Variants in LAPTM5 observed in about 807,000 individuals in gnomAD.
LAPTM5 encodes lysosomal-associated transmembrane protein 5.
In LAPTM5, 11 loss-of-function variants were observed where a neutral mutation model predicts 30.1. That is an observed-to-expected ratio of 0.37 (90% CI 0.23 to 0.60). The LOEUF is 0.60. LAPTM5 is among the 20% of genes least tolerant of loss of function. The pLI is 0.71. For missense variants in LAPTM5, 324 were observed against 332.5 expected (o/e 0.97, Z 0.20); for synonymous variants, 151 against 137.9 (o/e 1.10, Z -0.67).
At chr1:30,738,788 G>C in intron 5 of LAPTM5, 152 bp downstream of exon 5, 1 of 837,098 alleles carries the variant, frequency 1.2e-6, no homozygotes, top group South Asian at 1.8e-5. Flanking sequence ...TTCCTGAGAG[G>C]GCTCCCTCAA....
chr1:30,735,221 C>A lies in LAPTM5; in HGVS notation c.651G>T (p.Lys217Asn). ...KCVWRCYRLI[K>N]CMNSVEEKRN... Reference sequence around the variant, plus strand: ...TCTTCTCCTCCACCGAGTTCATGCACTTGATCAATCTGTAGCACCGCCACA... The same window carrying A: ...TCTTCTCCTCCACCGAGTTCATGCAATTGATCAATCTGTAGCACCGCCACA... The change falls in exon 7 of 8, where the codon AAG (lysine) becomes AAT (asparagine). Residue 217 changes from lysine (K) to asparagine (N), a missense_variant. Physicochemically the swap from Lys to Asn is moderately conservative, Grantham distance 94 (BLOSUM62 0). Coordinates refer to ENST00000294507, the MANE Select transcript of LAPTM5 (RefSeq NM_006762.3). 6.2e-7 allele frequency: 1 copy of A among 1,614,104 alleles called. No individual in the cohort carries two copies. The highest frequency in any genetic ancestry group is 8.5e-7 in the Non-Finnish European group (1 of 1,180,012).
rs577291113 is a variant in LAPTM5, at chr1:30,753,141, T to C, written c.87+4518A>G. 1.6e-4 allele frequency among the ~76,000 whole-genome samples: 24 copies of C among 152,176 alleles called. No homozygotes were observed. The South Asian group carries it at 4.8e-3, about 30-fold the overall frequency. On this transcript the variant is annotated intron_variant, in intron 1 of 7. Coordinates refer to ENST00000294507, the MANE Select transcript of LAPTM5 (RefSeq NM_006762.3). ...ACTTGAGCCACAAAGTAAAGTACCA[T>C]TGGATTATAACCCAAAGCATACAGT...
In LAPTM5 at chr1:30,733,504, C is replaced by A; in HGVS notation, c.*324G>T. On this transcript the variant is annotated 3_prime_UTR_variant, in exon 8 of 8. Coordinates refer to ENST00000294507, the MANE Select transcript of LAPTM5 (RefSeq NM_006762.3). Reference sequence around the variant, plus strand: ...TTGTCAGTTGCTTGGCTGAACTGATCAAGTCGATAGTTGCTTGACAAACTC... The same window carrying A: ...TTGTCAGTTGCTTGGCTGAACTGATAAAGTCGATAGTTGCTTGACAAACTC... 7.1e-7 allele frequency: 1 copy of A among 1,407,628 alleles called. No individual in the cohort carries two copies. Among genetic ancestry groups the A allele is most frequent in the Non-Finnish European group, 9.4e-7 (1 of 1,065,616 alleles). 87.2% of individuals were successfully genotyped at this position (1,407,628 alleles called of 1,614,324 possible). A position where few individuals can be genotyped will look rare whatever the true frequency, so the allele number is the denominator to read the frequency against.
Position 30,737,768 on chromosome 1 carries a change from G to A in LAPTM5, c.511-69C>T, listed in dbSNP as rs531767765. ...GAATTCCAACAGCACCCACACATCC[G>A]GGAATAATGATCCCACCCTCCACAC... On this transcript the variant is annotated intron_variant, in intron 5 of 7. Coordinates refer to ENST00000294507, the MANE Select transcript of LAPTM5 (RefSeq NM_006762.3). 3.1e-5 allele frequency: 31 copies of A among 1,006,136 alleles called. No individual in the cohort carries two copies. In the Admixed American group the frequency reaches 3.5e-4, roughly 11 times the overall value. The allele number at this position is 1,006,136 out of a possible 1,614,324, so 62.3% of individuals were successfully genotyped here. A position where few individuals can be genotyped will look rare whatever the true frequency, so the allele number is the denominator to read the frequency against.
intron 2 of LAPTM5, 184 bp from the exon 3 acceptor site, chr1:30,741,900 T>C: frequency 2.1e-6 from 1 of 485,966 alleles, no homozygotes; most frequent in South Asian, 2.4e-5. Flanking sequence ...ACATCACACA[T>C]AGCACAGGAG....
At position 30,738,992 on chromosome 1, in the gene LAPTM5, C is replaced by T; in HGVS notation, c.458G>A (p.Ser153Asn). ...DFCLSILTLCSSYMEVPTYLN... is the reference protein window; with the variant it reads ...DFCLSILTLCNSYMEVPTYLN... The stretch of plus-strand genomic sequence containing the variant: ...ATAGGTGGGCACTTCCATGTAGGAG[C>T]TGCAGAGGGTCAGGATGCTCAGGCA... Residue 153 changes from serine to asparagine, a missense_variant, in exon 5 of 8, where the codon AGC becomes AAC. Transcript: ENST00000294507. The T allele has an allele frequency of 1.2e-6, 2 of 1,608,270 alleles. No homozygotes were observed. The highest frequency in any genetic ancestry group is 1.7e-6 in the Non-Finnish European group (2 of 1,177,678).
At chr1:30,742,036 G>C (rs980320383) in intron 2 of LAPTM5, 1 of 369,730 alleles carries the variant, frequency 2.7e-6, no homozygotes, top group African/African-American at 2.1e-5. Context: ...ACAGGGACAG[G>C]GTTGGTGAGG....
chr1:30,739,694 A>G lies in LAPTM5; in HGVS notation c.387+115T>C. ...AGACTGGGTCAAGACACCAGCCAGG[A>G]AGAGGGCTCCTACCCTCCCCAGCCT... On this transcript the variant is annotated intron_variant, in intron 4 of 7. Coordinates refer to ENST00000294507, the MANE Select transcript of LAPTM5 (RefSeq NM_006762.3). This position sits in a 1 kb window ranked among gnomAD's most constrained non-coding sequence, Gnocchi z 4.2. 8.0e-7 allele frequency: 1 copy of G among 1,253,488 alleles called. No individual in the cohort carries two copies. The highest frequency in any genetic ancestry group is 1.8e-5 in the South Asian group (1 of 55,884). 77.6% of individuals were successfully genotyped at this position (1,253,488 alleles called of 1,614,324 possible).
At chr1:30,742,865 T>A (rs138128274) in intron 1 of LAPTM5, among the ~76,000 whole-genome samples, 3 of 152,116 alleles carry the variant, frequency 2.0e-5, no homozygotes, top group African/African-American at 7.2e-5. Context: ...GAGGAGTAAA[T>A]GAGACTATCC....
intron 1 of LAPTM5, among the ~76,000 whole-genome samples, chr1:30,754,592 A>AT (rs1434244705): frequency 6.6e-6 from 1 of 152,150 alleles, no homozygotes; most frequent in Admixed American, 6.5e-5. Context: ...CAAGTTACTG[A>AT]ACTTTGAAAA....
rs1179302192 is a variant in LAPTM5, at chr1:30,742,389, C to T, written c.181+67G>A. On this transcript the variant is annotated intron_variant, in intron 2 of 7. Transcript: ENST00000294507. ...GGCAGTGCCTCCAACACTAGCCTGG[C>T]TATCCCTGGCCAGGGCCCTCCCTGT... 3 of 1,135,648 alleles carry T rather than the reference C, an allele frequency of 2.6e-6. No homozygotes were observed. The African/African-American group carries it at 4.6e-5, about 17-fold the overall frequency. 70.3% of individuals were successfully genotyped at this position (1,135,648 alleles called of 1,614,324 possible). A position where few individuals can be genotyped will look rare whatever the true frequency, so the allele number is the denominator to read the frequency against.
chr1:30,734,119 G>T (rs1172972211), intron 7 of LAPTM5, among the ~76,000 whole-genome samples: 2 of 152,200 alleles, frequency 1.3e-5, no homozygotes, highest in African/African-American at 4.8e-5. Flanking sequence ...ATTTGCCTTT[G>T]CCTATTCAGC....
chr1:30,749,634 G>A (rs1184338595), intron 1 of LAPTM5, among the ~76,000 whole-genome samples: 1 of 152,154 alleles, frequency 6.6e-6, no homozygotes, highest in African/African-American at 2.4e-5. Context: ...AGCACACAGG[G>A]CTCTGGGTCA....
At chr1:30,753,820 G>T (rs1462336809) in intron 1 of LAPTM5, among the ~76,000 whole-genome samples, 1 of 152,168 alleles carries the variant, frequency 6.6e-6, no homozygotes, top group Non-Finnish European at 1.5e-5. Context: ...CCACACTAAC[G>T]TTGAGACGTT....
intron 6 of LAPTM5, among the ~76,000 whole-genome samples, chr1:30,735,477 C>T (rs1386665625): frequency 6.6e-6 from 1 of 152,204 alleles, no homozygotes; most frequent in South Asian, 2.1e-4. Context: ...ACAGATACCA[C>T]ATAGCAAGGG....
At chr1:30,742,117 T>A in intron 2 of LAPTM5, 1 of 405,676 alleles carries the variant, frequency 2.5e-6, no homozygotes, top group Non-Finnish European at 4.6e-6. Flanking sequence ...GGGCAGAGGC[T>A]GGATCCTATG....
rs1639936836 is a variant in LAPTM5, at chr1:30,739,480, G to A, written c.387+329C>T. The stretch of plus-strand genomic sequence containing the variant: ...AGAAGAAATAATACTGGGGGCTGGG[G>A]GCTAAAAAGCGCACATGTCCTTTCC... On this transcript the variant is annotated intron_variant, in intron 4 of 7. Coordinates refer to ENST00000294507, the MANE Select transcript of LAPTM5 (RefSeq NM_006762.3). The surrounding 1 kb of genome is among the most constrained non-coding windows in gnomAD (Gnocchi z 4.2). Among the ~76,000 whole-genome samples, 1 of 151,620 alleles carries A rather than the reference G, an allele frequency of 6.6e-6. No homozygotes were observed. The highest frequency in any genetic ancestry group is 6.6e-5 in the Admixed American group (1 of 15,222).
At position 30,739,955 on chromosome 1, in the gene LAPTM5, C is replaced by A; in HGVS notation, c.259-18G>T. 6.4e-7 allele frequency: 1 copy of A among 1,559,298 alleles called. No individual in the cohort carries two copies. The stretch of plus-strand genomic sequence containing the variant: ...TCCCGGTTCTGAAAGGTAGGCCCAG[C>A]ACCGTCAAGTGTCCCCTGCATGCAG... On this transcript the variant is annotated intron_variant, in intron 3 of 7. Coordinates refer to ENST00000294507, the MANE Select transcript of LAPTM5 (RefSeq NM_006762.3). This position sits in a 1 kb window ranked among gnomAD's most constrained non-coding sequence, Gnocchi z 4.2.
chr1:30,751,857 G>C (rs531469337), intron 1 of LAPTM5, among the ~76,000 whole-genome samples: 2 of 152,176 alleles, frequency 1.3e-5, no homozygotes, highest in Admixed American at 6.5e-5. Context: ...TTGAGGCAGG[G>C]ACCACTGGCC....
Sources: allele counts gnomAD v4.1 joint callset (sites outside exome capture counted in the v4.1 genomes callset), GRCh38; gene constraint gnomAD v4.1.1; non-coding constraint Gnocchi (gnomAD v3.1); transcripts MANE v1.5; gene names NCBI Gene and HGNC (gene_info 2026-07-23, HGNC 2026-07-21).